LINGO2: variants seen among roughly 807,000 people sequenced by gnomAD.
LINGO2 encodes the protein leucine rich repeat and Ig domain containing 2, also known as leucine-rich repeat and immunoglobulin-like domain-containing nogo receptor-interacting protein 2.
LINGO2 carries 14 observed loss-of-function variants against 30.6 expected under a neutral mutation model. The observed-to-expected ratio is 0.46, with a 90% CI of 0.30 to 0.72. The LOEUF (loss-of-function observed/expected upper bound fraction) is 0.72, where lower values mean the gene tolerates loss of function less well. Ranked by LOEUF, LINGO2 falls within the 30% of genes least tolerant of loss-of-function variation. The pLI, the probability that LINGO2 is intolerant of heterozygous loss-of-function variation, is 0.07. For missense variants in LINGO2, 729 were observed against 751.7 expected (o/e 0.97, Z 0.35); for synonymous variants, 317 against 288.5 (o/e 1.10, Z -1.00).
chr9:28,223,688 A>G (rs1183156475), intron 4 of LINGO2, among the ~76,000 whole-genome samples: 1 of 152,230 alleles, frequency 6.6e-6, no homozygotes, highest in African/African-American at 2.4e-5. Flanking sequence ...GATAGTGGTT[A>G]TGGAAACAGA....
chr9:28,650,940 C>T (rs1828069214), intron 1 of LINGO2, among the ~76,000 whole-genome samples: 1 of 152,078 alleles, frequency 6.6e-6, no homozygotes, highest in Admixed American at 6.5e-5. Context: ...CCTGTAATCC[C>T]AGCACTTTGG....
intron 1 of LINGO2, among the ~76,000 whole-genome samples, chr9:28,655,429 G>A (rs757061439): frequency 1.3e-5 from 2 of 152,008 alleles, no homozygotes; most frequent in African/African-American, 4.8e-5. Context: ...TAAGACTTTC[G>A]AGTTGGACTT....
chr9:28,049,588 T>TGAA (rs1258967126), intron 4 of LINGO2, among the ~76,000 whole-genome samples: 8 of 150,640 alleles, frequency 5.3e-5, no homozygotes, highest in Non-Finnish European at 7.4e-5. Flanking sequence ...AGTCTAGATT[T>TGAA]TACCGCTTAT....
the LINGO2 span, among the ~76,000 whole-genome samples, chr9:28,793,241 A>C: frequency 6.6e-6 from 1 of 152,134 alleles, no homozygotes; most frequent in Non-Finnish European, 1.5e-5. Context: ...AATATTTTTT[A>C]AATTTTTTTG....
At chr9:28,362,638 T>C (rs1489134413) in intron 3 of LINGO2, among the ~76,000 whole-genome samples, 1 of 152,022 alleles carries the variant, frequency 6.6e-6, no homozygotes, top group Non-Finnish European at 1.5e-5. Flanking sequence ...ATTTGGCTAA[T>C]TTTGTATTTT....
intron 4 of LINGO2, among the ~76,000 whole-genome samples, chr9:28,082,480 T>C (rs1311303147): frequency 6.6e-6 from 1 of 152,196 alleles, no homozygotes; most frequent in African/African-American, 2.4e-5. Flanking sequence ...TTTTCATTTT[T>C]ACAAAGCTGT....
chr9:28,675,205 T>G (rs1308364562), upstream of LINGO2, among the ~76,000 whole-genome samples: 1 of 152,188 alleles, frequency 6.6e-6, no homozygotes, highest in Non-Finnish European at 1.5e-5. Flanking sequence ...AGTGATGCAT[T>G]TATTTTCTCA....
chr9:28,721,963 A>G, the LINGO2 span, among the ~76,000 whole-genome samples: 1 of 152,080 alleles, frequency 6.6e-6, no homozygotes, highest in South Asian at 2.1e-4. Context: ...AGAACATTGT[A>G]TTATATACGT....
chr9:28,880,305 G>A, the LINGO2 span, among the ~76,000 whole-genome samples: 1 of 152,152 alleles, frequency 6.6e-6, no homozygotes, highest in African/African-American at 2.4e-5. Flanking sequence ...TTAAAGAATT[G>A]CTTTGCTGAG....
At chr9:29,064,288 C>T in the LINGO2 span, among the ~76,000 whole-genome samples, 3 of 151,844 alleles carry the variant, frequency 2.0e-5, no homozygotes, top group Admixed American at 6.6e-5. Flanking sequence ...TAAATAGCAC[C>T]AAAATCTTTG....
At chr9:28,569,211 T>C (rs911543130) in intron 1 of LINGO2, among the ~76,000 whole-genome samples, 4 of 151,910 alleles carry the variant, frequency 2.6e-5, no homozygotes, top group African/African-American at 9.7e-5. Flanking sequence ...AGTACTGCCA[T>C]TATAGAAAAC....
At chr9:28,866,520 T>A in the LINGO2 span, among the ~76,000 whole-genome samples, 1 of 152,060 alleles carries the variant, frequency 6.6e-6, no homozygotes, top group Admixed American at 6.6e-5. Flanking sequence ...ATGAAAGGAA[T>A]ATTTTCCAAG....
intron 2 of LINGO2, among the ~76,000 whole-genome samples, chr9:28,446,732 G>T (rs535444349): frequency 1.6e-4 from 25 of 152,308 alleles, no homozygotes; most frequent in African/African-American, 5.8e-4. Flanking sequence ...AGAGCAGCCA[G>T]AATGATCTTT....
the LINGO2 span, among the ~76,000 whole-genome samples, chr9:29,127,072 C>A: frequency 6.6e-5 from 10 of 152,068 alleles, no homozygotes; most frequent in African/African-American, 2.4e-4. Context: ...CATGACCAAT[C>A]AGATTGGTCT....
At position 28,488,826 on chromosome 9, in the gene LINGO2, A is replaced by C. The variant is rs182891622; in HGVS notation, c.-364-12801T>G. Among the ~76,000 whole-genome samples, 94 of 152,078 alleles carry C rather than the reference A, an allele frequency of 6.2e-4. 2 individuals are homozygous for C. The East Asian group carries it at 0.017, about 28-fold the overall frequency. On this transcript the variant is annotated intron_variant, in intron 1 of 5. Transcript: ENST00000379992. ...ATACTAAATCACAGTTCAAAGTTAA[A>C]TTGTAATGGTGCTTGAATTAATCAT...
chr9:28,996,689 A>G, the LINGO2 span, among the ~76,000 whole-genome samples: 1 of 152,242 alleles, frequency 6.6e-6, no homozygotes, highest in Admixed American at 6.5e-5. Flanking sequence ...TTGCAACTTC[A>G]TTCAGGAATT....
In LINGO2 at chr9:28,076,665, TA is replaced by T. The variant is rs891760819; in HGVS notation, c.-86-64261del. On this transcript the variant is annotated intron_variant, in intron 4 of 5. Transcript: ENST00000379992. ...AAGTTAAGGTCTTTTGCTGATAAATTAAAAAAAAATTCTGGAATGGAATTTA... is the reference window on the plus strand; with the variant it reads ...AAGTTAAGGTCTTTTGCTGATAAATTAAAAAAAATTCTGGAATGGAATTTA... Among the ~76,000 whole-genome samples, 392 of 151,834 alleles carry T rather than the reference TA, an allele frequency of 2.6e-3. 2 individuals carry two copies. Among genetic ancestry groups the T allele is most frequent in the African/African-American group, 9.0e-3 (375 of 41,484 alleles).
intron 1 of LINGO2, among the ~76,000 whole-genome samples, chr9:28,549,027 A>G (rs191942379): frequency 2.7e-4 from 41 of 152,224 alleles, no homozygotes; most frequent in Admixed American, 7.9e-4. Context: ...ACCTGTACAC[A>G]GTTCTGAAAT....
At chr9:28,475,737 T>C (rs1180336072) in intron 2 of LINGO2, among the ~76,000 whole-genome samples, 1 of 152,164 alleles carries the variant, frequency 6.6e-6, no homozygotes, top group African/African-American at 2.4e-5. Flanking sequence ...ACACAGCTAC[T>C]TTAAATCCAT....
Sources: gnomAD v4.1 joint callset for allele counts (sites outside exome capture counted in the v4.1 genomes callset) on GRCh38, gnomAD v4.1.1 for gene constraint, MANE v1.5 for transcripts, NCBI Gene and HGNC (gene_info 2026-07-23, HGNC 2026-07-21) for gene names.